The following RNFT2 variants were observed in gnomAD, a reference collection of about 807,000 sequenced individuals.
RNFT2 encodes the protein E3 ubiquitin-protein ligase RNFT2.
RNFT2 carries 36 observed loss-of-function variants against 53.0 expected under a neutral mutation model. The ratio of observed to expected loss-of-function variants is 0.68; its 90% CI spans 0.52 to 0.90. The LOEUF is 0.90. Among genes scored for constraint, RNFT2 ranks in the 40% least tolerant of loss-of-function variants. The pLI, the probability that RNFT2 is intolerant of heterozygous loss-of-function variation, is 0.00. For synonymous variants in RNFT2, 260 were observed against 253.2 expected (o/e 1.03, Z -0.26); for missense variants, 514 against 585.6 (o/e 0.88, Z 1.26).
At chr12:116,835,388 C>T (rs1876907841) in intron 8 of RNFT2, among the ~76,000 whole-genome samples, 4 of 152,164 alleles carry the variant, frequency 2.6e-5, no homozygotes, top group Admixed American at 2.6e-4. Flanking sequence ...GTATGTAGTG[C>T]TTTTCTTTTC....
At chr12:116,756,956 G>A (rs1325357053) in intron 5 of RNFT2, among the ~76,000 whole-genome samples, 1 of 151,954 alleles carries the variant, frequency 6.6e-6, no homozygotes, top group Non-Finnish European at 1.5e-5. Flanking sequence ...GTCTGGTCCT[G>A]AACTTTTTTT....
At chr12:116,841,858 A>ATATATATATATAAAT (rs1877313449) in intron 10 of RNFT2, among the ~76,000 whole-genome samples, 1 of 24,452 alleles carries the variant, frequency 4.1e-5, no homozygotes, top group Non-Finnish European at 9.3e-5. Flanking sequence ...TATATATAAA[A>ATATATATATATAAAT]ATATATATAT....
chr12:116,834,002 T>C (rs979087244), intron 8 of RNFT2, 61 bp downstream of exon 8: 1 of 1,458,764 alleles, frequency 6.9e-7, no homozygotes, highest in Non-Finnish European at 9.0e-7. Flanking sequence ...TAGTCAGGCC[T>C]CAGGGGGCTC....
chr12:116,823,674 C>T (rs1167751621), intron 7 of RNFT2, among the ~76,000 whole-genome samples: 4 of 152,198 alleles, frequency 2.6e-5, no homozygotes, highest in Admixed American at 2.6e-4. Flanking sequence ...AACAGCAAGA[C>T]TCTGTCTAAA....
intron 7 of RNFT2, among the ~76,000 whole-genome samples, chr12:116,831,834 T>G (rs1002580001): frequency 6.6e-6 from 1 of 151,776 alleles, no homozygotes; most frequent in Non-Finnish European, 1.5e-5. Flanking sequence ...TATAAAATAT[T>G]TCATATTTCT....
chr12:116,798,331 G>A (rs4767455), intron 7 of RNFT2, among the ~76,000 whole-genome samples: 3 of 151,886 alleles, frequency 2.0e-5, no homozygotes, highest in Admixed American at 1.3e-4. Flanking sequence ...CAGCTCCCAC[G>A]TTGCTTTTAT....
chr12:116,779,120 C>A, intron 6 of RNFT2, 75 bp from the exon 7 acceptor site: 1 of 1,500,582 alleles, frequency 6.7e-7, no homozygotes, highest in Non-Finnish European at 9.2e-7. Context: ...ACTTAGAAGG[C>A]TCCTGAGTGA....
In RNFT2 at chr12:116,774,512, A is replaced by G. The variant is rs144219791; in HGVS notation, c.729-4683A>G. 2.9e-3 allele frequency among the ~76,000 whole-genome samples: 443 copies of G among 152,342 alleles called. 2 individuals carry two copies. Among genetic ancestry groups the G allele is most frequent in the African/African-American group, 1.0e-2 (415 of 41,586 alleles). ...AACGTGATTGCTGTTTGTGGAAACT[A>G]TCAGAGCTGTCAGAATTGAGGGAAG... On this transcript the variant is annotated intron_variant, in intron 6 of 10. Coordinates refer to ENST00000257575, the MANE Select transcript of RNFT2 (RefSeq NM_001382266.1).
chr12:116,850,152 T>G lies in RNFT2; in HGVS notation c.*704T>G. The G allele has an allele frequency of 2.8e-4, 1 of 3,610 alleles. No individual in the cohort carries two copies. The highest frequency in any genetic ancestry group is 4.9e-4 in the African/African-American group (1 of 2,052). 0.2% of individuals were successfully genotyped at this position (3,610 alleles called of 1,614,324 possible). A position where few individuals can be genotyped will look rare whatever the true frequency, so the allele number is the denominator to read the frequency against. ...GAGCCACCGTGCCCAGGCTCACTTTTTTTTTTTTTTTTTTTTTTTTGAGAC... is the reference window on the plus strand; with the variant it reads ...GAGCCACCGTGCCCAGGCTCACTTTGTTTTTTTTTTTTTTTTTTTTGAGAC... On this transcript the variant is annotated 3_prime_UTR_variant, in exon 11 of 11. Coordinates refer to ENST00000257575, the MANE Select transcript of RNFT2 (RefSeq NM_001382266.1).
At chr12:116,747,818 A>G (rs1041970882) in intron 3 of RNFT2, among the ~76,000 whole-genome samples, 8 of 152,058 alleles carry the variant, frequency 5.3e-5, no homozygotes, top group African/African-American at 1.4e-4. Flanking sequence ...TCCCCAACAC[A>G]TGCACGTCGA....
rs148512260 is a variant in RNFT2 at position 116,750,205 on chromosome 12, G to A, written c.448G>A (p.Ala150Thr). 1.9e-6 allele frequency: 3 copies of A among 1,603,842 alleles called. No homozygotes were observed. Among genetic ancestry groups the A allele is most frequent in the East Asian group, 2.2e-5 (1 of 44,704 alleles). ...AGGCGACGAGCAGCCTGGGACGCCC[G>A]CCCCCGCCCTGTCCGAGCTGAAGGC... Reference protein sequence around the residue: ...EGGDEQPGTPAPALSELKAVI... With the variant: ...EGGDEQPGTPTPALSELKAVI... Residue 150 changes from alanine (A) to threonine (T), a missense_variant, in exon 4 of 11, where the codon GCC (alanine) becomes ACC (threonine). Transcript: ENST00000257575.
chr12:116,797,863 G>T (rs572645357), intron 7 of RNFT2, among the ~76,000 whole-genome samples: 2 of 152,178 alleles, frequency 1.3e-5, no homozygotes, highest in Non-Finnish European at 2.9e-5. Flanking sequence ...TCCAGGGAAG[G>T]GGTAGTCACT....
intron 10 of RNFT2, among the ~76,000 whole-genome samples, chr12:116,847,850 ATTTAAT>A (rs1254477338): frequency 2.0e-5 from 3 of 152,068 alleles, no homozygotes; most frequent in Non-Finnish European, 4.4e-5. Context: ...AAAAAATTTA[ATTTAAT>A]TTTAAGTTCC....
chr12:116,833,727 C>T, intron 7 of RNFT2, 65 bp from the exon 8 acceptor site: 4 of 1,566,522 alleles, frequency 2.6e-6, no homozygotes, highest in South Asian at 1.1e-5. Flanking sequence ...GGGCGGGGGG[C>T]CCCCCAGCTG....
chr12:116,779,309 C>T lies in RNFT2; in HGVS notation c.843C>T (p.Ile281=), dbSNP rs1336764901. 2.5e-6 allele frequency: 4 copies of T among 1,613,882 alleles called. No individual in the cohort carries two copies. Among genetic ancestry groups the T allele is most frequent in the East Asian group, 2.2e-5 (1 of 44,884 alleles). Residue 281 remains isoleucine, a synonymous_variant, in exon 7 of 11, where the codon ATC becomes ATT. Transcript: ENST00000257575. ...TCACCATCGCCCTCAAGTGCCTCAT[C>T]GTGGCCCTGCCCAAGATCATCCTGG... ...KYITIALKCL[I]VALPKIILAV...
intron 7 of RNFT2, among the ~76,000 whole-genome samples, chr12:116,821,078 C>T (rs550927130): frequency 8.5e-5 from 13 of 152,210 alleles, no homozygotes; most frequent in Middle Eastern, 3.4e-3. Flanking sequence ...CCCTGGTAAG[C>T]GCTTAATACG....
At chr12:116,796,958 G>A (rs1874531948) in intron 7 of RNFT2, among the ~76,000 whole-genome samples, 1 of 152,202 alleles carries the variant, frequency 6.6e-6, no homozygotes, top group African/African-American at 2.4e-5. Flanking sequence ...ATCATTTTTA[G>A]TTGGCACCAT....
At chr12:116,784,263 T>G (rs915425964) in intron 7 of RNFT2, among the ~76,000 whole-genome samples, 2 of 152,238 alleles carry the variant, frequency 1.3e-5, no homozygotes, top group Middle Eastern at 6.3e-3. Flanking sequence ...TGGCTCTCAC[T>G]GCAGCTCACG....
At chr12:116,766,731 A>G (rs960278419) in intron 5 of RNFT2, 83 bp from the exon 6 acceptor site, 34 of 1,055,554 alleles carry the variant, frequency 3.2e-5, no homozygotes, top group African/African-American at 2.2e-4. Context: ...GACAAAGTGA[A>G]AAGCTGCCAG....
Sources: gnomAD v4.1 joint callset for allele counts (sites outside exome capture counted in the v4.1 genomes callset) on GRCh38, gnomAD v4.1.1 for gene constraint, MANE v1.5 for transcripts, NCBI Gene and HGNC (gene_info 2026-07-23, HGNC 2026-07-21) for gene names.